Variants in FBF1 observed in about 807,000 individuals in gnomAD.
FBF1 encodes the protein fas-binding factor 1.
FBF1 carries 119 observed loss-of-function variants against 147.2 expected under a neutral mutation model. The ratio of observed to expected loss-of-function variants is 0.81; its 90% CI spans 0.70 to 0.94. FBF1 has a LOEUF of 0.94. Among genes scored for constraint, FBF1 ranks in the 40% least tolerant of loss-of-function variants. The pLI is 0.00. For missense variants in FBF1, 1,449 were observed against 1,500.8 expected (o/e 0.97, Z 0.57); for synonymous variants, 601 against 609.0 (o/e 0.99, Z 0.19).
chr17:75,939,313 AAAAAC>A (rs1173994749), intron 1 of FBF1, among the ~76,000 whole-genome samples: 3 of 150,892 alleles, frequency 2.0e-5, no homozygotes, highest in Non-Finnish European at 4.4e-5. Flanking sequence ...AAAAAAAAAA[AAAAAC>A]GTGCTCTGGA....
At chr17:75,938,555 CAAAAAAA>C (rs34602242) in intron 1 of FBF1, among the ~76,000 whole-genome samples, 8 of 58,872 alleles carry the variant, frequency 1.4e-4, no homozygotes, top group East Asian at 5.8e-4. Context: ...GACTCCATCT[CAAAAAAA>C]AAAAAAAAAA....
chr17:75,933,544 C>T (rs1358723797), intron 4 of FBF1, among the ~76,000 whole-genome samples: 1 of 152,140 alleles, frequency 6.6e-6, no homozygotes. Context: ...GCACTCCAGC[C>T]TGGGTGACAG....
chr17:75,916,007 CAAAAAAAAAAAAA>C (rs35055735), intron 23 of FBF1, among the ~76,000 whole-genome samples: 1 of 65,472 alleles, frequency 1.5e-5, no homozygotes, highest in Non-Finnish European at 2.8e-5. Flanking sequence ...GACTCTGACT[CAAAAAAAAAAAAA>C]AAAAAAAAAA....
At position 75,909,840 on chromosome 17, in the gene FBF1, G is replaced by T; in HGVS notation, c.*883C>A. 1.4e-6 allele frequency: 1 copy of T among 689,964 alleles called. No homozygotes were observed. The highest frequency in any genetic ancestry group is 1.5e-5 in the South Asian group (1 of 66,768). The allele number at this position is 689,964 out of a possible 1,614,324, so 42.7% of individuals were successfully genotyped here. A position where few individuals can be genotyped will look rare whatever the true frequency, so the allele number is the denominator to read the frequency against. ...TTTCTAAGAAATAAGTATAAACTCC[G>T]ATGAGCCATGGCAAAAGCAGTTTTT... On this transcript the variant is annotated 3_prime_UTR_variant, in exon 30 of 30. Transcript: ENST00000636174.
intron 2 of FBF1, 168 bp from the exon 3 acceptor site, chr17:75,937,761 G>A (rs983481881): frequency 9.4e-5 from 72 of 766,248 alleles, no homozygotes; most frequent in Non-Finnish European, 1.4e-4. Context: ...TTCTGAGAAC[G>A]GACTCATTCA....
Position 75,928,144 on chromosome 17 carries a change from GAATTA to G in FBF1, c.324_328del (p.Asn109SerfsTer3), listed in dbSNP as rs776680391. The G allele has an allele frequency of 6.2e-7, 1 of 1,613,872 alleles. No homozygotes were observed. Among genetic ancestry groups the G allele is most frequent in the South Asian group, 1.1e-5 (1 of 91,080 alleles). On this transcript the variant is annotated frameshift_variant, in exon 8 of 30. Coordinates refer to ENST00000636174, the MANE Select transcript of FBF1 (RefSeq NM_001319193.2). LOFTEE classifies it high-confidence loss of function. This position sits in a 1 kb window ranked among gnomAD's most constrained non-coding sequence, Gnocchi z 4.2. ...CTTTGCAGCTTTTTTGCTAGGGGCT[GAATTA>G]GATTTCTTCAGACCTAAGATATCAG...
chr17:75,914,354 G>A, intron 25 of FBF1, 56 bp from the exon 26 acceptor site: 2 of 1,533,284 alleles, frequency 1.3e-6, no homozygotes, highest in Non-Finnish European at 1.7e-6. Flanking sequence ...GCTGCACTCT[G>A]TGCAGGACTC....
In FBF1 at chr17:75,932,945, G is replaced by C. The variant is rs778634400; in HGVS notation, c.167+50C>G. ...AAAGTGGGGGGTGGAGGGGCAGAGA[G>C]CATTTAGACTGAAGTAGGTCATGGA... On this transcript the variant is annotated intron_variant, in intron 5 of 29. Coordinates refer to ENST00000636174, the MANE Select transcript of FBF1 (RefSeq NM_001319193.2). The C allele has an allele frequency of 3.9e-6, 5 of 1,288,948 alleles. No individual in the cohort carries two copies. In the South Asian group the frequency reaches 5.5e-5, roughly 14 times the overall value. The allele number at this position is 1,288,948 out of a possible 1,614,324, so 79.8% of individuals were successfully genotyped here. A position where few individuals can be genotyped will look rare whatever the true frequency, so the allele number is the denominator to read the frequency against.
At chr17:75,929,945 A>AGGGGGGGCCCCCCCC in intron 7 of FBF1, 52 bp downstream of exon 7, 2 of 650,910 alleles carry the variant, frequency 3.1e-6, no homozygotes, top group Non-Finnish European at 2.8e-6. Flanking sequence ...AAATATCATG[A>AGGGGGGGCCCCCCCC]CCCCACCCCA....
Position 75,919,915 on chromosome 17 carries a change from G to C in FBF1, c.1932-41C>G. The C allele has an allele frequency of 1.9e-6, 3 of 1,612,984 alleles. No homozygotes were observed. Among genetic ancestry groups the C allele is most frequent in the African/African-American group, 1.3e-5 (1 of 75,048 alleles). The stretch of plus-strand genomic sequence containing the variant: ...CCAGCCATGGCGCAAGGAAGGCAGA[G>C]GGCTGCCGCCTAAAGGCCTCTCCAG... On this transcript the variant is annotated intron_variant, in intron 19 of 29. Coordinates refer to ENST00000636174, the MANE Select transcript of FBF1 (RefSeq NM_001319193.2). The surrounding 1 kb of genome is among the most constrained non-coding windows in gnomAD (Gnocchi z 5.0).
chr17:75,923,686 C>A lies in FBF1; in HGVS notation c.969-45G>T. 1 of 1,501,640 alleles carries A rather than the reference C, an allele frequency of 6.7e-7. No homozygotes were observed. The highest frequency in any genetic ancestry group is 1.3e-5 in the South Asian group (1 of 76,080). The allele number at this position is 1,501,640 out of a possible 1,614,324, so 93.0% of individuals were successfully genotyped here. A position where few individuals can be genotyped will look rare whatever the true frequency, so the allele number is the denominator to read the frequency against. ...GTGTCAGGCAGGGGAAACAGCCAGT[C>A]CCAGTGGCCCCCTAGCAGCCTGCAG... On this transcript the variant is annotated intron_variant, in intron 13 of 29. Coordinates refer to ENST00000636174, the MANE Select transcript of FBF1 (RefSeq NM_001319193.2). This position sits in a 1 kb window ranked among gnomAD's most constrained non-coding sequence, Gnocchi z 4.1.
chr17:75,912,136 C>A, intron 29 of FBF1, 56 bp downstream of exon 29: 1 of 1,515,400 alleles, frequency 6.6e-7, no homozygotes, highest in Non-Finnish European at 9.0e-7. Context: ...CCTGCCTCTG[C>A]CCTGAGCTGG....
chr17:75,911,730 C>T (rs113219820), intron 29 of FBF1, among the ~76,000 whole-genome samples: 5 of 152,088 alleles, frequency 3.3e-5, no homozygotes, highest in African/African-American at 7.2e-5. Context: ...AAGCTGGCCA[C>T]GAACTCCTGG....
At chr17:75,927,626 C>T (rs1777149573) in intron 8 of FBF1, 94 bp from the exon 9 acceptor site, 9 of 1,097,056 alleles carry the variant, frequency 8.2e-6, no homozygotes, top group East Asian at 2.6e-5. Context: ...GGATGGGGTG[C>T]ACTTCTTCCT....
Position 75,914,041 on chromosome 17 carries a change from C to A in FBF1, c.3001G>T (p.Glu1001Ter). Reference sequence around the variant, plus strand: ...GCCCGCTCCCCCTCCTCGTACTTCTCGGAGGCCACCTGCAGGGAGGCCGCC... The same window carrying A: ...GCCCGCTCCCCCTCCTCGTACTTCTAGGAGGCCACCTGCAGGGAGGCCGCC... ...EVESMSKVAS[E>*]KYEEGERALR... The change falls in exon 27 of 30, where the codon GAG (glutamate) becomes TAG (stop). Residue 1001 changes from glutamate to a stop codon, truncating the protein, a stop_gained. Coordinates refer to ENST00000636174, the MANE Select transcript of FBF1 (RefSeq NM_001319193.2). LOFTEE classifies it high-confidence loss of function. The A allele has an allele frequency of 1.3e-6, 2 of 1,589,840 alleles. No homozygotes were observed. The highest frequency in any genetic ancestry group is 2.3e-5 in the East Asian group (1 of 44,410).
intron 28 of FBF1, 46 bp downstream of exon 28, chr17:75,913,656 C>T (rs1430655713): frequency 6.7e-7 from 1 of 1,493,980 alleles, no homozygotes; most frequent in Non-Finnish European, 9.0e-7. Flanking sequence ...TAGCACTGCC[C>T]CTGCCCAGTC....
Position 75,914,163 on chromosome 17 carries a change from G to T in FBF1, c.2950C>A (p.Arg984Ser), listed in dbSNP as rs200283832. The change falls in exon 26 of 30, where the codon CGT (arginine) becomes AGT (serine). Residue 984 changes from arginine to serine, a missense_variant. Arg to Ser is a moderately radical substitution (Grantham distance 110). Transcript: ENST00000636174. Reference sequence around the variant, plus strand: ...ACCTCCTCGGCGCGGAGCTTGACACGCAGGGCGGTGGCGTTGATCCTCTCC... The same window carrying T: ...ACCTCCTCGGCGCGGAGCTTGACACTCAGGGCGGTGGCGTTGATCCTCTCC... Reference protein sequence around the residue: ...EKERINATALRVKLRAEEVES... With the variant: ...EKERINATALSVKLRAEEVES... 1.2e-6 allele frequency: 2 copies of T among 1,600,246 alleles called. No homozygotes were observed. The highest frequency in any genetic ancestry group is 1.7e-5 in the Admixed American group (1 of 58,460).
At chr17:75,931,415 A>T in intron 5 of FBF1, 126 bp from the exon 6 acceptor site, 1 of 761,116 alleles carries the variant, frequency 1.3e-6, no homozygotes, top group Non-Finnish European at 2.1e-6. Context: ...GAGGTGCTAA[A>T]AGGAATGTCA....
chr17:75,932,768 C>G (rs2065601643), intron 5 of FBF1, among the ~76,000 whole-genome samples: 1 of 151,844 alleles, frequency 6.6e-6, no homozygotes, highest in East Asian at 1.9e-4. Flanking sequence ...CACCTGTAGT[C>G]CCAGCTACTT....
Sources: allele counts gnomAD v4.1 joint callset (sites outside exome capture counted in the v4.1 genomes callset), GRCh38; gene constraint gnomAD v4.1.1; non-coding constraint Gnocchi (gnomAD v3.1); transcripts MANE v1.5; gene names NCBI Gene and HGNC (gene_info 2026-07-23, HGNC 2026-07-21).